Variants in EXTL2 observed in about 807,000 individuals in gnomAD.
The protein encoded by EXTL2 is exostosin-like 2.
EXTL2 carries 23 observed loss-of-function variants against 30.7 expected under a neutral mutation model. The observed-to-expected ratio is 0.75, with a 90% CI of 0.54 to 1.06. EXTL2 has a LOEUF of 1.06. Ranked by LOEUF, EXTL2 falls within the 50% of genes least tolerant of loss-of-function variation. EXTL2 has a pLI of 0.00. For missense variants in EXTL2, 352 were observed against 396.3 expected (o/e 0.89, Z 0.95); for synonymous variants, 123 against 133.8 (o/e 0.92, Z 0.56).
At chr1:100,891,943 G>A (rs1650458299) in intron 1 of EXTL2, among the ~76,000 whole-genome samples, 1 of 152,312 alleles carries the variant, frequency 6.6e-6, no homozygotes, top group East Asian at 1.9e-4. Flanking sequence ...GAAGCAAGAC[G>A]GAGTTGGTTA....
intron 1 of EXTL2, among the ~76,000 whole-genome samples, chr1:100,890,763 C>A (rs1024198186): frequency 6.6e-6 from 1 of 152,230 alleles, no homozygotes; most frequent in Non-Finnish European, 1.5e-5. Flanking sequence ...GCATTTTGGT[C>A]AAAACCATTC....
chr1:100,874,214 G>C lies in EXTL2; in HGVS notation c.721C>G (p.Gln241Glu). ...TTCATGGCAATATCATCACAGTTTT[G>C]AGTATCATCTATCAAAGCATGGACA... is the stretch of plus-strand genomic sequence containing the variant. Reference protein sequence around the residue: ...AAVHALIDDTQNCDDIAMNFI... With the variant: ...AAVHALIDDTENCDDIAMNFI... The change falls in exon 5 of 5, where the codon CAA becomes GAA. Residue 241 changes from glutamine to glutamate, a missense_variant. Gln to Glu is a conservative substitution (Grantham distance 29). Coordinates refer to ENST00000370114, the MANE Select transcript of EXTL2 (RefSeq NM_001033025.3). The C allele has an allele frequency of 1.2e-6, 2 of 1,612,816 alleles. No individual in the cohort carries two copies. Among genetic ancestry groups the C allele is most frequent in the Non-Finnish European group, 1.7e-6 (2 of 1,179,404 alleles).
chr1:100,873,604 T>A lies in EXTL2; in HGVS notation c.*338A>T. 1 of 180,902 alleles carries A rather than the reference T, an allele frequency of 5.5e-6. No homozygotes were observed. The highest frequency in any genetic ancestry group is 1.6e-4 in the South Asian group (1 of 6,164). 11.2% of individuals were successfully genotyped at this position (180,902 alleles called of 1,614,324 possible). ...AAGCAGAGAAATGCCTCTCTTGAGT[T>A]TCTGATCCTAGAAACAGCTTGCTAT... On this transcript the variant is annotated 3_prime_UTR_variant, in exon 5 of 5. Coordinates refer to ENST00000370114, the MANE Select transcript of EXTL2 (RefSeq NM_001033025.3).
chr1:100,894,355 A>G (rs1011600226), intron 1 of EXTL2, among the ~76,000 whole-genome samples: 3 of 152,218 alleles, frequency 2.0e-5, no homozygotes, highest in Non-Finnish European at 4.4e-5. Context: ...CTAATTTTAA[A>G]TATTTCTACA....
rs1329888519 is a variant in EXTL2, at chr1:100,874,033, A to T, written c.902T>A (p.Val301Asp). The T allele has an allele frequency of 2.5e-6, 4 of 1,613,072 alleles. No individual in the cohort carries two copies. The highest frequency in any genetic ancestry group is 3.4e-6 in the Non-Finnish European group (4 of 1,179,424). ...TAAGGGCATGCTATCATAGATATTA[A>T]CAAGCTTATTTATACAATAAGACCT... ...LQRSYCINKLVNIYDSMPLRY... is the reference protein window; with the variant it reads ...LQRSYCINKLDNIYDSMPLRY... The change falls in exon 5 of 5, where the codon GTT becomes GAT. Residue 301 changes from valine to aspartate, a missense_variant. By Grantham distance (152) the Val-to-Asp change is radical. Transcript: ENST00000370114.
chr1:100,890,140 A>C (rs1650304818), intron 1 of EXTL2, among the ~76,000 whole-genome samples: 2 of 152,170 alleles, frequency 1.3e-5, no homozygotes, highest in Admixed American at 6.5e-5. Context: ...GAGGTTCCTA[A>C]ACCTTAATTC....
At chr1:100,887,844 G>A (rs962480986) in intron 2 of EXTL2, among the ~76,000 whole-genome samples, 9 of 152,000 alleles carry the variant, frequency 5.9e-5, no homozygotes, top group African/African-American at 1.9e-4. Flanking sequence ...GACTACAGGC[G>A]TCCGCCATCA....
intron 4 of EXTL2, among the ~76,000 whole-genome samples, chr1:100,874,873 C>A (rs565399744): frequency 4.5e-4 from 68 of 152,034 alleles, no homozygotes; most frequent in Non-Finnish European, 4.4e-5. Context: ...GTGATTGTCT[C>A]TTTTTCATGT....
intron 1 of EXTL2, among the ~76,000 whole-genome samples, chr1:100,893,353 A>G (rs1455345274): frequency 1.3e-5 from 2 of 152,210 alleles, no homozygotes; most frequent in African/African-American, 4.8e-5. Flanking sequence ...ATTTATGGAA[A>G]GACTTACTGA....
At chr1:100,885,868 A>G (rs1374490117) in intron 2 of EXTL2, 1 of 152,220 alleles carries the variant, frequency 6.6e-6, no homozygotes, top group African/African-American at 2.4e-5. Context: ...TAGCTCTTCT[A>G]TTCTTACGAG....
intron 1 of EXTL2, among the ~76,000 whole-genome samples, chr1:100,892,299 G>A (rs1650490315): frequency 6.6e-6 from 1 of 152,156 alleles, no homozygotes; most frequent in Non-Finnish European, 1.5e-5. Context: ...GGTGGGAGAA[G>A]CTGACTTGCT....
chr1:100,894,314 A>T (rs578025343), intron 1 of EXTL2, among the ~76,000 whole-genome samples: 1 of 152,244 alleles, frequency 6.6e-6, no homozygotes, highest in South Asian at 2.1e-4. Context: ...GCTAATACAA[A>T]AACTTCCTTC....
chr1:100,895,138 T>G, upstream of EXTL2: 1 of 152,386 alleles, frequency 6.6e-6, no homozygotes, highest in Middle Eastern at 3.4e-3. Context: ...GGCCAGCTTC[T>G]GCCTGCACGT....
intron 2 of EXTL2, chr1:100,881,060 G>A: frequency 2.0e-6 from 2 of 982,776 alleles, no homozygotes; most frequent in Non-Finnish European, 2.4e-6. Flanking sequence ...ACCTGTATCA[G>A]AAAGGTTTCA....
At chr1:100,888,119 G>A (rs919610111) in intron 2 of EXTL2, among the ~76,000 whole-genome samples, 5 of 152,144 alleles carry the variant, frequency 3.3e-5, no homozygotes, top group African/African-American at 1.2e-4. Context: ...CTATTTCAAT[G>A]GACCTAAGAG....
chr1:100,882,351 G>T lies in EXTL2; in HGVS notation c.6-4448C>A, dbSNP rs115421900. Among the ~76,000 whole-genome samples, 833 of 152,344 alleles carry T rather than the reference G, an allele frequency of 5.5e-3. 6 individuals are homozygous for T. The highest frequency in any genetic ancestry group is 0.019 in the African/African-American group (788 of 41,576). ...GCACAGGACAGCCCCCCATGGCAAA[G>T]AATTATCTGACCTAACACGGCAATA... On this transcript the variant is annotated intron_variant, in intron 2 of 4. Coordinates refer to ENST00000370114, the MANE Select transcript of EXTL2 (RefSeq NM_001033025.3).
Position 100,873,333 on chromosome 1 carries a change from C to T in EXTL2, c.*609G>A, listed in dbSNP as rs1282864552. On this transcript the variant is annotated 3_prime_UTR_variant, in exon 5 of 5. Transcript: ENST00000370114. ...GACGTTCTTCAGCTACTAAAATTAA[C>T]TGTCCCAGTCACAAAAGACTTAACA... 6.6e-6 allele frequency: 1 copy of T among 152,102 alleles called. No homozygotes were observed. Among genetic ancestry groups the T allele is most frequent in the East Asian group, 1.9e-4 (1 of 5,182 alleles). 9.4% of individuals were successfully genotyped at this position (152,102 alleles called of 1,614,324 possible).
Position 100,877,904 on chromosome 1 carries a change from C to G in EXTL2, c.6-1G>C, listed in dbSNP as rs1570456946. ...AGGAAGTTTGCAGATGTGGCAACAC[C>G]TGGAGTAGAAATGGAAACAACATAC... On this transcript the variant is annotated splice_acceptor_variant, in intron 2 of 4. Coordinates refer to ENST00000370114, the MANE Select transcript of EXTL2 (RefSeq NM_001033025.3). LOFTEE classifies it high-confidence loss of function. The surrounding 1 kb of genome is among the most constrained non-coding windows in gnomAD (Gnocchi z 4.1). 6.3e-7 allele frequency: 1 copy of G among 1,590,430 alleles called. No homozygotes were observed.
intron 2 of EXTL2, among the ~76,000 whole-genome samples, chr1:100,886,529 G>A (rs893646672): frequency 2.0e-5 from 3 of 152,184 alleles, no homozygotes; most frequent in Non-Finnish European, 2.9e-5. Context: ...CTTATGCATT[G>A]CAAAAGCTGC....
Sources: allele counts gnomAD v4.1 joint callset (sites outside exome capture counted in the v4.1 genomes callset), GRCh38; gene constraint gnomAD v4.1.1; non-coding constraint Gnocchi (gnomAD v3.1); transcripts MANE v1.5; gene names NCBI Gene and HGNC (gene_info 2026-07-23, HGNC 2026-07-21).